COL5A1: variants seen among roughly 807,000 people sequenced by gnomAD.
The protein encoded by COL5A1 is collagen alpha-1(V) chain.
A neutral mutation model predicts 263.7 loss-of-function variants in COL5A1; 16 were observed. The observed-to-expected ratio is 0.06, with a 90% confidence interval of 0.04 to 0.09. The LOEUF (loss-of-function observed/expected upper bound fraction) is 0.09, where lower values mean the gene tolerates loss of function less well. Among genes scored for constraint, COL5A1 ranks in the 10% least tolerant of loss-of-function variants. COL5A1 has a pLI of 1.00. For synonymous variants in COL5A1, 1,012 were observed against 1,004.5 expected (o/e 1.01, Z -0.14); for missense variants, 2,036 against 2,540.5 (o/e 0.80, Z 4.27).
chr9:134,759,864 TCACACATGCACACACAC>T (rs1564438906), intron 18 of COL5A1, among the ~76,000 whole-genome samples: 1 of 24,240 alleles, frequency 4.1e-5, no homozygotes, highest in East Asian at 1.6e-3. Context: ...ACCCCCACAC[TCACACATGCACACACAC>T]CACACAGGCA....
At chr9:134,756,999 T>G (rs1187005657) in intron 17 of COL5A1, among the ~76,000 whole-genome samples, 181 bp downstream of exon 17, 1 of 152,108 alleles carries the variant, frequency 6.6e-6, no homozygotes, top group Non-Finnish European at 1.5e-5. Flanking sequence ...GCGTGACAGT[T>G]GCAGTTCATT....
intron 2 of COL5A1, among the ~76,000 whole-genome samples, chr9:134,698,091 C>A (rs4132194): frequency 0.21 from 31,279 of 152,100 alleles, 3,804 homozygotes; most frequent in East Asian, 0.37. Flanking sequence ...CTCAAAAAAA[C>A]CCCACAAAAA....
intron 42 of COL5A1, among the ~76,000 whole-genome samples, chr9:134,806,843 A>T (rs1838314474): frequency 6.6e-6 from 1 of 152,110 alleles, no homozygotes; most frequent in Non-Finnish European, 1.5e-5. Context: ...GGGGCAGGGG[A>T]TGGGTGGATA....
At position 134,732,144 on chromosome 9, in the gene COL5A1, A is replaced by G. The variant is rs1298311702; in HGVS notation, c.1389+17A>G. ...ATCGAGCCGGTGAGGACATTTTCTC[A>G]TTCCCTCCCTGCGCCGGGGTGTCCG... On this transcript the variant is annotated intron_variant, in intron 9 of 65. Transcript: ENST00000371817. 6.2e-7 allele frequency: 1 copy of G among 1,612,936 alleles called. No homozygotes were observed. The highest frequency in any genetic ancestry group is 8.5e-7 in the Non-Finnish European group (1 of 1,179,026).
intron 2 of COL5A1, among the ~76,000 whole-genome samples, chr9:134,698,862 C>T (rs1473260481): frequency 2.0e-5 from 3 of 152,240 alleles, no homozygotes; most frequent in Non-Finnish European, 4.4e-5. Context: ...AGCCCACCCA[C>T]CAGATCCCAG....
chr9:134,753,777 G>GCCCCC, intron 14 of COL5A1, 73 bp from the exon 15 acceptor site: 2 of 622,724 alleles, frequency 3.2e-6, no homozygotes, highest in African/African-American at 2.2e-5. Flanking sequence ...CCCCTCCCCT[G>GCCCCC]CCACCCCCAG....
intron 1 of COL5A1, among the ~76,000 whole-genome samples, chr9:134,657,260 T>G (rs1334890422): frequency 1.8e-5 from 2 of 112,208 alleles, no homozygotes; most frequent in African/African-American, 7.2e-5. Flanking sequence ...GGGTGCAATT[T>G]ATAGATAATA....
intron 11 of COL5A1, among the ~76,000 whole-genome samples, chr9:134,746,273 C>T (rs910779007): frequency 3.3e-5 from 5 of 152,192 alleles, no homozygotes; most frequent in Admixed American, 1.3e-4. Flanking sequence ...TCTGGAGAGA[C>T]GCCTGCACAC....
intron 2 of COL5A1, among the ~76,000 whole-genome samples, chr9:134,692,807 C>T (rs1316935270): frequency 6.6e-6 from 1 of 152,170 alleles, no homozygotes; most frequent in African/African-American, 2.4e-5. Flanking sequence ...GGCGCGGTGG[C>T]TCACCCTGTA....
At chr9:134,749,990 A>G (rs984046150) in intron 11 of COL5A1, among the ~76,000 whole-genome samples, 1 of 152,176 alleles carries the variant, frequency 6.6e-6, no homozygotes. Context: ...GGGTTCTTGA[A>G]GTTGCTGTGG....
intron 64 of COL5A1, among the ~76,000 whole-genome samples, chr9:134,834,093 G>A (rs1166290039): frequency 6.6e-6 from 1 of 152,134 alleles, no homozygotes; most frequent in African/African-American, 2.4e-5. Context: ...GACACCTGCT[G>A]TCCAGGGCTC....
intron 4 of COL5A1, among the ~76,000 whole-genome samples, chr9:134,702,476 G>A (rs778685270): frequency 3.0e-4 from 46 of 152,258 alleles, no homozygotes; most frequent in Non-Finnish European, 5.9e-4. Context: ...CCAGGGCCAT[G>A]TTTCTTCTCG....
At chr9:134,819,870 T>C (rs1392544776) in intron 57 of COL5A1, among the ~76,000 whole-genome samples, 4 of 152,232 alleles carry the variant, frequency 2.6e-5, no homozygotes, top group South Asian at 4.1e-4. Context: ...TTTATCACTT[T>C]GGTCTGTCTC....
At chr9:134,767,226 A>G (rs1157359618) in intron 23 of COL5A1, 84 bp from the exon 24 acceptor site, 16 of 1,498,394 alleles carry the variant, frequency 1.1e-5, no homozygotes, top group East Asian at 2.3e-5. Flanking sequence ...GGAGACATCA[A>G]TGAGAAGATG....
intron 11 of COL5A1, among the ~76,000 whole-genome samples, chr9:134,749,745 C>G (rs1233141205): frequency 6.6e-6 from 1 of 152,212 alleles, no homozygotes; most frequent in African/African-American, 2.4e-5. Flanking sequence ...GGGTTAAGCT[C>G]CAGTCTCTAT....
chr9:134,808,689 C>T (rs959941209), intron 42 of COL5A1, among the ~76,000 whole-genome samples: 1 of 152,114 alleles, frequency 6.6e-6, no homozygotes, highest in African/African-American at 2.4e-5. Flanking sequence ...CATGTATGCA[C>T]ATGTGTGTGC....
At chr9:134,840,059 C>T (rs1232930540) in intron 65 of COL5A1, among the ~76,000 whole-genome samples, 1 of 152,278 alleles carries the variant, frequency 6.6e-6, no homozygotes, top group African/African-American at 2.4e-5. Flanking sequence ...CAGCGTTTCT[C>T]AAAGGCCAGT....
chr9:134,738,671 G>A, intron 10 of COL5A1, 75 bp from the exon 11 acceptor site: 1 of 1,374,492 alleles, frequency 7.3e-7, no homozygotes, highest in Non-Finnish European at 1.0e-6. Flanking sequence ...CCTCTGCCTT[G>A]GTTGGCCAGT....
intron 11 of COL5A1, among the ~76,000 whole-genome samples, chr9:134,747,952 CA>C (rs1564428861): frequency 8.4e-6 from 1 of 118,756 alleles, no homozygotes; most frequent in East Asian, 2.8e-4. Flanking sequence ...CATACACATG[CA>C]GACACATGCA....
Sources: gnomAD v4.1 joint callset for allele counts (sites outside exome capture counted in the v4.1 genomes callset) on GRCh38, gnomAD v4.1.1 for gene constraint, MANE v1.5 for transcripts, NCBI Gene and HGNC (gene_info 2026-07-23, HGNC 2026-07-21) for gene names.